MACROD2: variants seen among roughly 807,000 people sequenced by gnomAD.
MACROD2 encodes mono-ADP ribosylhydrolase 2, also known as ADP-ribose glycohydrolase MACROD2.
A neutral mutation model predicts 70.4 loss-of-function variants in MACROD2; 36 were observed. The observed-to-expected ratio is 0.51, with a 90% CI of 0.39 to 0.68. The LOEUF is 0.68. Among genes scored for constraint, MACROD2 ranks in the 30% least tolerant of loss-of-function variants. MACROD2 has a pLI of 0.00. For missense variants in MACROD2, 496 were observed against 538.4 expected (o/e 0.92, Z 0.78); for synonymous variants, 172 against 178.8 (o/e 0.96, Z 0.30).
intron 3 of MACROD2, among the ~76,000 whole-genome samples, chr20:14,137,538 G>GT (rs948665446): frequency 1.3e-5 from 2 of 152,250 alleles, no homozygotes; most frequent in African/African-American, 2.4e-5. Flanking sequence ...AAAAAGGATA[G>GT]TTTTTTTCAA....
chr20:14,640,526 A>T (rs1352206247), intron 4 of MACROD2, among the ~76,000 whole-genome samples: 1 of 152,272 alleles, frequency 6.6e-6, no homozygotes, highest in East Asian at 1.9e-4. Context: ...TGGCAAGGTC[A>T]AAGAGTGCTG....
chr20:15,610,989 ATCT>A (rs1018731574), intron 8 of MACROD2, among the ~76,000 whole-genome samples: 4 of 79,878 alleles, frequency 5.0e-5, no homozygotes, highest in Non-Finnish European at 7.2e-5. Flanking sequence ...TTAGCCAAAA[ATCT>A]TTTTTTTTTT....
At chr20:15,858,243 C>T (rs1476252732) in intron 8 of MACROD2, among the ~76,000 whole-genome samples, 1 of 151,758 alleles carries the variant, frequency 6.6e-6, no homozygotes, top group Non-Finnish European at 1.5e-5. Flanking sequence ...TACAATCTCT[C>T]AAGAACCACT....
intron 5 of MACROD2, among the ~76,000 whole-genome samples, chr20:15,095,372 G>A (rs1443418115): frequency 6.6e-6 from 1 of 151,870 alleles, no homozygotes; most frequent in Non-Finnish European, 1.5e-5. Flanking sequence ...ACCACGCCCG[G>A]CCTGCTGTGG....
intron 5 of MACROD2, among the ~76,000 whole-genome samples, chr20:14,748,943 A>C (rs1186865537): frequency 6.6e-6 from 1 of 152,076 alleles, no homozygotes; most frequent in African/African-American, 2.4e-5. Context: ...GACACTGTGG[A>C]TCTTTGTGTT....
chr20:15,833,532 G>T (rs6043565), intron 8 of MACROD2, among the ~76,000 whole-genome samples: 6 of 151,930 alleles, frequency 3.9e-5, no homozygotes, highest in African/African-American at 1.5e-4. Flanking sequence ...TCCTGTATTG[G>T]CTTTAATTGT....
chr20:16,000,690 A>G (rs8121084), intron 15 of MACROD2, among the ~76,000 whole-genome samples: 12,280 of 152,274 alleles, frequency 0.081, 520 homozygotes, highest in South Asian at 0.12. Context: ...TTCTCTTAGT[A>G]TACTACAAGT....
chr20:15,043,589 G>A (rs1174245725), intron 5 of MACROD2, among the ~76,000 whole-genome samples: 1 of 152,090 alleles, frequency 6.6e-6, no homozygotes, highest in African/African-American at 2.4e-5. Context: ...TTTACTTATC[G>A]CCTCTTCCCT....
intron 4 of MACROD2, among the ~76,000 whole-genome samples, chr20:14,574,779 G>A (rs2423828): frequency 0.69 from 102,495 of 149,546 alleles, 36,320 homozygotes; most frequent in East Asian, 0.93. Flanking sequence ...TGGGAGGCCG[G>A]GGCGGGTGGA....
chr20:14,898,226 T>C (rs1600788725), intron 5 of MACROD2, among the ~76,000 whole-genome samples: 1 of 152,150 alleles, frequency 6.6e-6, no homozygotes, highest in East Asian at 1.9e-4. Flanking sequence ...TCCTTTCTAG[T>C]TGAGATTTTT....
At chr20:15,129,021 GT>G in intron 5 of MACROD2, among the ~76,000 whole-genome samples, 1 of 151,712 alleles carries the variant, frequency 6.6e-6, no homozygotes, top group Non-Finnish European at 1.5e-5. Context: ...TTCTTTTTTA[GT>G]GTATTTTGTG....
intron 8 of MACROD2, among the ~76,000 whole-genome samples, chr20:15,550,420 AGAT>A (rs1162361964): frequency 6.6e-6 from 1 of 152,096 alleles, no homozygotes; most frequent in Non-Finnish European, 1.5e-5. Context: ...GAATATTTAT[AGAT>A]GATATTATTC....
At chr20:14,466,912 T>C (rs2423784) in intron 3 of MACROD2, among the ~76,000 whole-genome samples, 27,028 of 151,968 alleles carry the variant, frequency 0.18, 2,701 homozygotes, top group South Asian at 0.37. Context: ...CTCAGAGGAG[T>C]ACCCGGCTGT....
chr20:14,624,693 C>T (rs1323042608), intron 4 of MACROD2, among the ~76,000 whole-genome samples: 1 of 152,192 alleles, frequency 6.6e-6, no homozygotes, highest in African/African-American at 2.4e-5. Context: ...CAGGTGGCCC[C>T]TTTCCACATG....
At chr20:14,960,308 C>T (rs912818520) in intron 5 of MACROD2, among the ~76,000 whole-genome samples, 2 of 152,134 alleles carry the variant, frequency 1.3e-5, no homozygotes, top group East Asian at 1.9e-4. Context: ...CTGGATGCTT[C>T]GTCATATCAC....
In MACROD2 at chr20:15,084,255, A is replaced by G. The variant is rs991239203; in HGVS notation, c.419-145685A>G. 2.0e-5 allele frequency among the ~76,000 whole-genome samples: 3 copies of G among 151,834 alleles called. No homozygotes were observed. The South Asian group carries it at 6.2e-4, about 32-fold the overall frequency. The stretch of plus-strand genomic sequence containing the variant: ...CTAAATTTTTGTATTTTTAATAGAG[A>G]TGGGGTTTCACCATATTGGCCATGC... On this transcript the variant is annotated intron_variant, in intron 5 of 17. Coordinates refer to ENST00000684519, the MANE Select transcript of MACROD2 (RefSeq NM_001351661.2).
chr20:15,687,410 ACAT>A (rs1312956217), intron 8 of MACROD2, among the ~76,000 whole-genome samples: 1 of 151,946 alleles, frequency 6.6e-6, no homozygotes, highest in Non-Finnish European at 1.5e-5. Flanking sequence ...GTGATCAACA[ACAT>A]CATCATCATA....
chr20:15,091,671 A>G (rs977042767), intron 5 of MACROD2, among the ~76,000 whole-genome samples: 1 of 152,156 alleles, frequency 6.6e-6, no homozygotes, highest in Non-Finnish European at 1.5e-5. Context: ...GTTTTTGAAA[A>G]TAGGTGGTCT....
At chr20:15,925,719 A>G (rs2065478721) in intron 10 of MACROD2, among the ~76,000 whole-genome samples, 1 of 152,162 alleles carries the variant, frequency 6.6e-6, no homozygotes, top group Non-Finnish European at 1.5e-5. Flanking sequence ...AGTTTCATGC[A>G]TTTCGTCTCT....
Sources: allele counts gnomAD v4.1 joint callset (sites outside exome capture counted in the v4.1 genomes callset), GRCh38; gene constraint gnomAD v4.1.1; transcripts MANE v1.5; gene names NCBI Gene and HGNC (gene_info 2026-07-23, HGNC 2026-07-21).